RCHY1: variants seen among roughly 807,000 people sequenced by gnomAD.
RCHY1 encodes ring finger and CHY zinc finger domain containing 1.
RCHY1 carries 21 observed loss-of-function variants against 41.6 expected under a neutral mutation model. The ratio of observed to expected loss-of-function variants is 0.51; its 90% CI spans 0.36 to 0.73. The LOEUF (loss-of-function observed/expected upper bound fraction) is 0.73. RCHY1 is among the 30% of genes least tolerant of loss of function. The probability of loss-of-function intolerance (pLI) is 0.00; values close to 1 mark genes in which losing one functional copy is unlikely to be tolerated. For missense variants in RCHY1, 265 were observed against 325.3 expected, an observed-to-expected ratio of 0.81 and a Z score of 1.43; for synonymous variants, 79 against 102.9, an observed-to-expected ratio of 0.77 and a Z score of 1.41.
chr4:75,482,223 A>C lies in RCHY1; in HGVS notation c.*315T>G, dbSNP rs1721577803. The C allele has an allele frequency of 5.8e-6, 1 of 172,192 alleles. No homozygotes were observed. The highest frequency in any genetic ancestry group is 6.3e-5 in the Admixed American group (1 of 15,878). 10.7% of individuals were successfully genotyped at this position (172,192 alleles called of 1,614,324 possible). A position where few individuals can be genotyped will look rare whatever the true frequency, so the allele number is the denominator to read the frequency against. On this transcript the variant is annotated 3_prime_UTR_variant, in exon 9 of 9. Transcript: ENST00000324439. ...TGAACTGCACGCGTAGTGTCACTTA[A>C]AGCAAAGCTTCATGAAAATATAATA... is the stretch of plus-strand genomic sequence containing the variant.
intron 6 of RCHY1, 41 bp downstream of exon 6, chr4:75,491,683 C>T (rs774895941): frequency 6.2e-7 from 1 of 1,602,232 alleles, no homozygotes. Flanking sequence ...AAACTGTCTC[C>T]ACTATTTTCA....
rs1369551994 is a variant in RCHY1 at position 75,480,161 on chromosome 4, T to C, written c.*2377A>G. On this transcript the variant is annotated 3_prime_UTR_variant, in exon 9 of 9. Coordinates refer to ENST00000324439, the MANE Select transcript of RCHY1 (RefSeq NM_015436.4). The stretch of plus-strand genomic sequence containing the variant: ...CCTGGGTACCGAAGCCTAGAGACTT[T>C]GAGTACATTTGAAAATTGCTTTAAG... 2 of 152,162 alleles carry C rather than the reference T, an allele frequency of 1.3e-5. No individual in the cohort carries two copies. The highest frequency in any genetic ancestry group is 4.8e-5 in the African/African-American group (2 of 41,438). The allele number at this position is 152,162 out of a possible 1,614,324, so 9.4% of individuals were successfully genotyped here.
At chr4:75,506,130 C>CAAAAA (rs547669760) in intron 3 of RCHY1, among the ~76,000 whole-genome samples, 3 of 82,648 alleles carry the variant, frequency 3.6e-5, no homozygotes, top group African/African-American at 4.6e-5. Context: ...ACAGGACATA[C>CAAAAA]AAAAAAAAAA....
chr4:75,508,700 G>T, intron 3 of RCHY1, 120 bp downstream of exon 3: 1 of 523,640 alleles, frequency 1.9e-6, no homozygotes, highest in South Asian at 3.4e-5. Context: ...TCACTTAATT[G>T]GACACTTAAA....
Position 75,514,230 on chromosome 4 carries a change from G to A in RCHY1, c.57C>T (p.Gly19=), listed in dbSNP as rs1050821071. 1.2e-6 allele frequency: 2 copies of A among 1,613,294 alleles called. No individual in the cohort carries two copies. The highest frequency in any genetic ancestry group is 1.7e-6 in the Non-Finnish European group (2 of 1,179,288). The part of the protein sequence containing the change: ...GASGQERGQR[G]CEHYDRGCLL... ...GACATCCTCTGTCATAGTGCTCGCA[G>A]CCCCGCTGACCTCGCTCTTGACCGC... The change falls in exon 1 of 9, where the codon GGC becomes GGT. Residue 19 remains glycine, a synonymous_variant. Transcript: ENST00000324439.
chr4:75,504,940 A>T (rs1724150939), intron 3 of RCHY1, among the ~76,000 whole-genome samples: 1 of 152,226 alleles, frequency 6.6e-6, no homozygotes, highest in South Asian at 2.1e-4. Context: ...CAGGGTTATC[A>T]TAATACTGAA....
At chr4:75,509,409 C>CAA in intron 1 of RCHY1, 113 bp from the exon 2 acceptor site, 1 of 917,350 alleles carries the variant, frequency 1.1e-6, no homozygotes, top group Non-Finnish European at 1.6e-6. Context: ...AGATTACAAC[C>CAA]AATAGATCAG....
chr4:75,507,797 G>A (rs1036096449), intron 3 of RCHY1, among the ~76,000 whole-genome samples: 2 of 152,046 alleles, frequency 1.3e-5, no homozygotes, highest in Admixed American at 6.5e-5. Context: ...GTATGTGACC[G>A]CTGAAAGACA....
intron 1 of RCHY1, among the ~76,000 whole-genome samples, chr4:75,509,997 AG>A (rs1360361344): frequency 6.6e-6 from 1 of 152,226 alleles, no homozygotes; most frequent in Non-Finnish European, 1.5e-5. Flanking sequence ...AGACATTTCC[AG>A]ATAAATTCAT....
At chr4:75,506,615 G>C (rs1223500210) in intron 3 of RCHY1, among the ~76,000 whole-genome samples, 2 of 149,246 alleles carry the variant, frequency 1.3e-5, no homozygotes, top group Non-Finnish European at 3.0e-5. Flanking sequence ...TAAGCATAAA[G>C]AAAATCAAAG....
intron 8 of RCHY1, among the ~76,000 whole-genome samples, chr4:75,487,615 A>AATATATATTC (rs1722225741): frequency 7.5e-5 from 3 of 39,968 alleles, no homozygotes; most frequent in African/African-American, 1.1e-4. Flanking sequence ...ATATATTCAT[A>AATATATATTC]ATATATATAT....
At chr4:75,486,029 C>A (rs1241254637) in intron 8 of RCHY1, among the ~76,000 whole-genome samples, 1 of 152,132 alleles carries the variant, frequency 6.6e-6, no homozygotes, top group Non-Finnish European at 1.5e-5. Context: ...AGTGCCTAGA[C>A]CTGTAGCTAC....
At chr4:75,486,032 G>A (rs1202923691) in intron 8 of RCHY1, among the ~76,000 whole-genome samples, 1 of 152,156 alleles carries the variant, frequency 6.6e-6, no homozygotes, top group Non-Finnish European at 1.5e-5. Flanking sequence ...GCCTAGACCT[G>A]TAGCTACAAA....
chr4:75,508,712 T>C (rs1724571453), intron 3 of RCHY1, 108 bp downstream of exon 3: 1 of 557,704 alleles, frequency 1.8e-6, no homozygotes, highest in Admixed American at 3.7e-5. Context: ...ACACTTAAAA[T>C]GAATGTATCT....
In RCHY1 at chr4:75,491,599, CCAAA is replaced by C. The variant is rs770615395; in HGVS notation, c.536+8_536+11del. On this transcript the variant is annotated splice_region_variant and intron_variant, in intron 7 of 8. Coordinates refer to ENST00000324439, the MANE Select transcript of RCHY1 (RefSeq NM_015436.4). Reference sequence around the variant, plus strand: ...ACATCTTACAATTATTTTTAAAATCCCAAACACTCACTCTTTCAACATTTCTTCA... The same window carrying C: ...ACATCTTACAATTATTTTTAAAATCCCACTCACTCTTTCAACATTTCTTCA... 35 of 1,598,012 alleles carry C rather than the reference CCAAA, an allele frequency of 2.2e-5. No individual in the cohort carries two copies. Among genetic ancestry groups the C allele is most frequent in the South Asian group, 1.8e-4 (16 of 90,160 alleles).
intron 3 of RCHY1, among the ~76,000 whole-genome samples, 185 bp downstream of exon 3, chr4:75,508,635 T>C (rs1256470414): frequency 6.6e-6 from 1 of 152,152 alleles, no homozygotes; most frequent in Non-Finnish European, 1.5e-5. Context: ...AGAATGGATA[T>C]GTTCTATAGC....
chr4:75,487,667 C>CATATATATATTCAT (rs369006663), intron 8 of RCHY1, among the ~76,000 whole-genome samples: 1 of 38,456 alleles, frequency 2.6e-5, no homozygotes, highest in Non-Finnish European at 4.3e-5. Flanking sequence ...TATATATATT[C>CATATATATATTCAT]ATATATATTC....
Position 75,490,710 on chromosome 4 carries a change from G to A in RCHY1, c.537-9C>T. On this transcript the variant is annotated splice_polypyrimidine_tract_variant and intron_variant, in intron 7 of 8. Coordinates refer to ENST00000324439, the MANE Select transcript of RCHY1 (RefSeq NM_015436.4). ...ATGGACATCTGTAGCCTCTGAAAGA[G>A]ATAGAAAGGTTATTTTCCAAATATT... 1 of 1,591,528 alleles carries A rather than the reference G, an allele frequency of 6.3e-7. No homozygotes were observed. The highest frequency in any genetic ancestry group is 1.1e-5 in the South Asian group (1 of 87,922).
At chr4:75,506,333 C>T (rs1724304316) in intron 3 of RCHY1, among the ~76,000 whole-genome samples, 1 of 149,948 alleles carries the variant, frequency 6.7e-6, no homozygotes. Flanking sequence ...AAGGCAGAAC[C>T]AAACACCAAG....
Sources: allele counts gnomAD v4.1 joint callset (sites outside exome capture counted in the v4.1 genomes callset), GRCh38; gene constraint gnomAD v4.1.1; transcripts MANE v1.5; gene names NCBI Gene and HGNC (gene_info 2026-07-23, HGNC 2026-07-21).